The following IFI16 variants were observed in gnomAD, a reference collection of about 807,000 sequenced individuals.
The protein encoded by IFI16 is gamma-interferon-inducible protein 16.
A neutral mutation model predicts 68.4 loss-of-function variants in IFI16; 49 were observed. The ratio of observed to expected loss-of-function variants is 0.72; its 90% CI spans 0.57 to 0.91. The LOEUF (loss-of-function observed/expected upper bound fraction) is 0.91. Among genes scored for constraint, IFI16 ranks in the 40% least tolerant of loss-of-function variants. The pLI, the probability that IFI16 is intolerant of heterozygous loss-of-function variation, is 0.00. For missense variants in IFI16, 878 were observed against 942.9 expected (o/e 0.93, Z 0.90); for synonymous variants, 307 against 315.0 (o/e 0.97, Z 0.27).
chr1:159,053,484 AAAATTATTGAT>A, intron 10 of IFI16, 38 bp from the exon 11 acceptor site: 1 of 1,361,580 alleles, frequency 7.3e-7, no homozygotes, highest in South Asian at 1.3e-5. Flanking sequence ...CATAGATTTG[AAAATTATTGAT>A]CCAGTTTCAG....
At position 159,052,131 on chromosome 1, in the gene IFI16, C is replaced by G. The variant is rs759469122; in HGVS notation, c.2085+33C>G. 4 of 1,528,724 alleles carry G rather than the reference C, an allele frequency of 2.6e-6. No homozygotes were observed. The South Asian group carries it at 4.8e-5, about 18-fold the overall frequency. 94.7% of individuals were successfully genotyped at this position (1,528,724 alleles called of 1,614,324 possible). On this transcript the variant is annotated intron_variant, in intron 10 of 11. Transcript: ENST00000295809. ...CACACCATTGTTTTATAAAATTTCT[C>G]CTGCAACCTCCAATTTTTAAAGTCT...
At chr1:159,006,630 C>T (rs1258635511), upstream of IFI16, among the ~76,000 whole-genome samples, 5 of 152,064 alleles carry the variant, frequency 3.3e-5, no homozygotes, top group Admixed American at 2.6e-4. Flanking sequence ...CCGACCTTCC[C>T]AGCTAGAGAG....
chr1:159,018,151 A>G (rs856046), intron 4 of IFI16, 78 bp from the exon 5 acceptor site: 944,094 of 1,251,376 alleles, frequency 0.75, 372,522 homozygotes, highest in Admixed American at 0.81. Flanking sequence ...GCCCTGTGTT[A>G]TACTGAGGTC....
chr1:159,048,227 A>C (rs1655114700), intron 8 of IFI16, among the ~76,000 whole-genome samples: 1 of 151,274 alleles, frequency 6.6e-6, no homozygotes, highest in Non-Finnish European at 1.5e-5. Flanking sequence ...AATAGCAACA[A>C]AGATTTATTT....
intron 8 of IFI16, among the ~76,000 whole-genome samples, chr1:159,046,154 T>G (rs1311908174): frequency 2.6e-5 from 4 of 151,420 alleles, no homozygotes; most frequent in Admixed American, 6.6e-5. Context: ...TTATTTGGCT[T>G]ATGTTGTTTC....
chr1:159,040,607 G>A (rs1490476488), intron 7 of IFI16, among the ~76,000 whole-genome samples: 2 of 152,126 alleles, frequency 1.3e-5, no homozygotes, highest in African/African-American at 2.4e-5. Flanking sequence ...TTAATGAAAC[G>A]ATTTTCATCT....
chr1:159,047,058 A>G (rs1260608688), intron 8 of IFI16, among the ~76,000 whole-genome samples: 1 of 151,038 alleles, frequency 6.6e-6, no homozygotes, highest in Non-Finnish European at 1.5e-5. Context: ...TACACCCAAG[A>G]CGAATGGGCA....
rs746497847 is a variant in IFI16, at chr1:159,055,038, G to A, written c.*137G>A. 2.6e-4 allele frequency: 108 copies of A among 413,492 alleles called. 1 individual carries two copies. The highest frequency in any genetic ancestry group is 4.1e-4 in the Non-Finnish European group (93 of 226,564). 25.6% of individuals were successfully genotyped at this position (413,492 alleles called of 1,614,324 possible). On this transcript the variant is annotated 3_prime_UTR_variant, in exon 12 of 12. Transcript: ENST00000295809. ...CTAGCTGTTAATCCTATGGAATGGG[G>A]TATTGGGAGTGCTTTTTTAATTTTT...
chr1:159,006,908 A>G (rs1010034632), upstream of IFI16, among the ~76,000 whole-genome samples: 2 of 152,216 alleles, frequency 1.3e-5, no homozygotes, highest in Non-Finnish European at 2.9e-5. Flanking sequence ...ATTTTGTGTT[A>G]TTTCGCATTT....
chr1:159,010,420 A>G (rs1652476133), intron 1 of IFI16, among the ~76,000 whole-genome samples: 1 of 152,210 alleles, frequency 6.6e-6, no homozygotes. Flanking sequence ...TTTAAAATTA[A>G]TTATCCGAGT....
intron 7 of IFI16, among the ~76,000 whole-genome samples, chr1:159,042,965 C>T (rs544050760): frequency 1.1e-3 from 168 of 152,286 alleles, no homozygotes; most frequent in African/African-American, 3.9e-3. Flanking sequence ...GGATAGGGAA[C>T]ACTAAGATTT....
Position 159,051,865 on chromosome 1 carries a change from A to G in IFI16, c.1852A>G (p.Ile618Val), listed in dbSNP as rs1655383333. The change falls in exon 10 of 12, where the codon ATT becomes GTT. Residue 618 changes from isoleucine (I) to valine (V), a missense_variant. This residue lies in a region of IFI16 where 311 missense variants were observed against 305.1 expected (regional missense o/e 1.02). Coordinates refer to ENST00000295809, the MANE Select transcript of IFI16 (RefSeq NM_001376587.1). Reference sequence around the variant, plus strand: ...AGTCTTCCGAGTGAAGGTTTTTAATATTGACCTAAAGGAGAAGTTCACCCC... The same window carrying G: ...AGTCTTCCGAGTGAAGGTTTTTAATGTTGACCTAAAGGAGAAGTTCACCCC... ...NEVFRVKVFN[I>V]DLKEKFTPKK... 3 of 1,614,120 alleles carry G rather than the reference A, an allele frequency of 1.9e-6. No individual in the cohort carries two copies. Among genetic ancestry groups the G allele is most frequent in the Middle Eastern group, 1.6e-4 (1 of 6,062 alleles).
intron 1 of IFI16, 72 bp from the exon 2 acceptor site, chr1:159,014,589 C>G: frequency 1.0e-6 from 1 of 996,292 alleles, no homozygotes; most frequent in Non-Finnish European, 1.5e-6. Flanking sequence ...GGGCCACTCA[C>G]TCACATAGGC....
chr1:159,016,717 C>A lies in IFI16; in HGVS notation c.549+17C>A, dbSNP rs1470312742. ...TCAACTGAGGTACACTCTTCCTGGT[C>A]CCATTTTGCTTTGTTTTTTTCAACC... On this transcript the variant is annotated intron_variant, in intron 4 of 11. Coordinates refer to ENST00000295809, the MANE Select transcript of IFI16 (RefSeq NM_001376587.1). 6.3e-7 allele frequency: 1 copy of A among 1,596,480 alleles called. No individual in the cohort carries two copies. Among genetic ancestry groups the A allele is most frequent in the Non-Finnish European group, 8.5e-7 (1 of 1,171,690 alleles).
At chr1:159,019,712 G>A (rs1389946544) in intron 5 of IFI16, among the ~76,000 whole-genome samples, 2 of 152,090 alleles carry the variant, frequency 1.3e-5, no homozygotes, top group African/African-American at 4.8e-5. Context: ...GCCCACCTCG[G>A]CCTCCCAAAG....
At chr1:159,013,448 G>A (rs777643069) in intron 1 of IFI16, among the ~76,000 whole-genome samples, 8 of 152,046 alleles carry the variant, frequency 5.3e-5, no homozygotes, top group Non-Finnish European at 8.8e-5. Context: ...AATTACAGGC[G>A]TGAGCCACTG....
chr1:159,027,922 T>C (rs1653771217), intron 6 of IFI16, among the ~76,000 whole-genome samples: 1 of 152,192 alleles, frequency 6.6e-6, no homozygotes, highest in South Asian at 2.1e-4. Context: ...ATAATTTCAC[T>C]AACGGTCTAT....
intron 10 of IFI16, chr1:159,052,953 A>T (rs1655454090): frequency 6.6e-6 from 1 of 152,394 alleles, no homozygotes; most frequent in Non-Finnish European, 1.5e-5. Flanking sequence ...AAATGACTGT[A>T]CATATATATG....
Position 159,046,689 on chromosome 1 carries a change from T to C in IFI16, c.1497+1225T>C, listed in dbSNP as rs1356885376. On this transcript the variant is annotated intron_variant, in intron 8 of 11. Transcript: ENST00000295809. Reference sequence around the variant, plus strand: ...AAGGGTTTTGATACTTCCTTTGATATCAAATTTTTCCATCTCAATTCTGTC... The same window carrying C: ...AAGGGTTTTGATACTTCCTTTGATACCAAATTTTTCCATCTCAATTCTGTC... Among the ~76,000 whole-genome samples the C allele has an allele frequency of 6.6e-5, 10 of 151,094 alleles. No individual in the cohort carries two copies. The Admixed American group carries it at 6.6e-4, about 10-fold the overall frequency.
Sources: gnomAD v4.1 joint callset for allele counts (sites outside exome capture counted in the v4.1 genomes callset) on GRCh38, gnomAD v4.1.1 for gene constraint, gnomAD v4.1.1 regional missense constraint, MANE v1.5 for transcripts, NCBI Gene and HGNC (gene_info 2026-07-23, HGNC 2026-07-21) for gene names.